Variants in NLRP11 observed in about 807,000 individuals in gnomAD.
The protein encoded by NLRP11 is NACHT, LRR and PYD domains-containing protein 11.
NLRP11 carries 53 observed loss-of-function variants against 79.3 expected under a neutral mutation model. The ratio of observed to expected loss-of-function variants is 0.67; its 90% CI spans 0.54 to 0.84. The LOEUF (loss-of-function observed/expected upper bound fraction) is 0.84, where lower values mean the gene tolerates loss of function less well. NLRP11 is among the 40% of genes least tolerant of loss of function. The probability of loss-of-function intolerance (pLI) is 0.00; values close to 1 mark genes in which losing one functional copy is unlikely to be tolerated. For synonymous variants in NLRP11, 518 were observed against 462.6 expected (o/e 1.12, Z -1.54); for missense variants, 1,264 against 1,255.0 (o/e 1.01, Z -0.11).
chr19:55,790,267 A>C (rs2616938), intron 7 of NLRP11, among the ~76,000 whole-genome samples: 1 of 151,886 alleles, frequency 6.6e-6, no homozygotes, highest in African/African-American at 2.4e-5. Context: ...GCCTTTCTCT[A>C]TAAGGGGCCA....
intron 4 of NLRP11, among the ~76,000 whole-genome samples, chr19:55,801,998 C>T (rs552112569): frequency 5.3e-5 from 8 of 152,140 alleles, no homozygotes; most frequent in Non-Finnish European, 7.4e-5. Flanking sequence ...ACCCACAAGC[C>T]GGATACTAAG....
At chr19:55,799,599 G>A (rs1026106275) in intron 5 of NLRP11, among the ~76,000 whole-genome samples, 1 of 152,288 alleles carries the variant, frequency 6.6e-6, no homozygotes, top group Non-Finnish European at 1.5e-5. Context: ...ACTACAAAGT[G>A]GCAACAGAGT....
In NLRP11 at chr19:55,812,395, C is replaced by T. The variant is rs997678599; in HGVS notation, c.272-2057G>A. On this transcript the variant is annotated intron_variant, in intron 2 of 9. Transcript: ENST00000589093. ...TGGCCTAACAAGCACAGAGGAAAAA[C>T]AATCACAAAACCAATCAGACCATCA... 3.9e-5 allele frequency among the ~76,000 whole-genome samples: 6 copies of T among 152,210 alleles called. No homozygotes were observed. The South Asian group carries it at 1.2e-3, about 32-fold the overall frequency.
chr19:55,827,482 T>C (rs1476580549), intron 1 of NLRP11, among the ~76,000 whole-genome samples: 1 of 150,576 alleles, frequency 6.6e-6, no homozygotes. Flanking sequence ...ACAGGCAACC[T>C]ACAAAATGGG....
chr19:55,812,357 A>G (rs1980686411), intron 2 of NLRP11, among the ~76,000 whole-genome samples: 1 of 152,214 alleles, frequency 6.6e-6, no homozygotes, highest in Non-Finnish European at 1.5e-5. Context: ...GCACCAGCAC[A>G]GATCAATAGA....
intron 9 of NLRP11, among the ~76,000 whole-genome samples, chr19:55,787,770 G>A (rs1321150162): frequency 6.6e-6 from 1 of 152,198 alleles, no homozygotes; most frequent in Non-Finnish European, 1.5e-5. Flanking sequence ...CTGTTTGAGA[G>A]TTGGAGAGCA....
In NLRP11 at chr19:55,810,459, T is replaced by C. The variant is rs1980499978; in HGVS notation, c.272-121A>G. 12 of 794,446 alleles carry C rather than the reference T, an allele frequency of 1.5e-5. No individual in the cohort carries two copies. In the South Asian group the frequency reaches 2.2e-4, roughly 15 times the overall value. 49.2% of individuals were successfully genotyped at this position (794,446 alleles called of 1,614,324 possible). A position where few individuals can be genotyped will look rare whatever the true frequency, so the allele number is the denominator to read the frequency against. ...TATAGTAGAAATTTTTACTTACTAC[T>C]GCTTATCACAAAGATATAGGTACAA... On this transcript the variant is annotated intron_variant, in intron 2 of 9. Transcript: ENST00000589093.
In NLRP11 at chr19:55,785,753, C is replaced by G. The variant is rs972671262; in HGVS notation, c.2974G>C (p.Gly992Arg). 1.9e-6 allele frequency: 3 copies of G among 1,613,994 alleles called. No individual in the cohort carries two copies. In the African/African-American group the frequency reaches 4.0e-5, roughly 22 times the overall value. ...CCTGGCTGAGAAGCAGGTGTCACAC[C>G]AATTTCTCTGCCTTCCTTTAAAGAC... is the stretch of plus-strand genomic sequence containing the variant. The change falls in exon 10 of 10, where the codon GGT (glycine) becomes CGT (arginine). Residue 992 changes from glycine to arginine, a missense_variant. Physicochemically the swap from Gly to Arg is moderately radical, Grantham distance 125. Transcript: ENST00000589093.
intron 6 of NLRP11, among the ~76,000 whole-genome samples, chr19:55,793,556 CAAAAAAAAAAAAAAAAAAA>C (rs59605427): frequency 1.1e-3 from 40 of 35,696 alleles, no homozygotes; most frequent in African/African-American, 4.4e-3. Context: ...TGACTGTCTC[CAAAAAAAAAAAAAAAAAAA>C]AAAAAAAAAA....
intron 3 of NLRP11, among the ~76,000 whole-genome samples, chr19:55,808,241 A>G (rs570079506): frequency 3.3e-5 from 5 of 152,248 alleles, no homozygotes; most frequent in Non-Finnish European, 7.3e-5. Flanking sequence ...CAGGGCCTTT[A>G]AATGCGAGAT....
intron 7 of NLRP11, among the ~76,000 whole-genome samples, chr19:55,790,970 A>G (rs1990201118): frequency 6.7e-6 from 1 of 150,034 alleles, no homozygotes; most frequent in African/African-American, 2.5e-5. Flanking sequence ...ACTTAAGACA[A>G]TTCTTGAAGG....
intron 5 of NLRP11, 22 bp from the exon 6 acceptor site, chr19:55,796,272 GAA>G (rs774379994): frequency 5.1e-6 from 8 of 1,570,260 alleles, no homozygotes; most frequent in South Asian, 2.3e-5. Context: ...ATTCAGAAAT[GAA>G]AAGAGGCTCC....
intron 1 of NLRP11, among the ~76,000 whole-genome samples, chr19:55,819,666 G>A (rs1981491772): frequency 6.6e-6 from 1 of 152,122 alleles, no homozygotes; most frequent in Non-Finnish European, 1.5e-5. Flanking sequence ...CTTTGGGGGC[G>A]AAAAAGAAAG....
chr19:55,787,024 T>C (rs1477156778), intron 9 of NLRP11, among the ~76,000 whole-genome samples: 1 of 152,134 alleles, frequency 6.6e-6, no homozygotes, highest in African/African-American at 2.4e-5. Context: ...TCTTTAAGAG[T>C]TCTGAGATAA....
intron 1 of NLRP11, among the ~76,000 whole-genome samples, chr19:55,831,002 G>A (rs1162881608): frequency 6.6e-6 from 1 of 151,832 alleles, no homozygotes; most frequent in Non-Finnish European, 1.5e-5. Context: ...GTTGGGCCCA[G>A]GAACCAGTAT....
intron 6 of NLRP11, among the ~76,000 whole-genome samples, chr19:55,794,206 G>A (rs1043941574): frequency 2.0e-5 from 3 of 151,868 alleles, no homozygotes; most frequent in Admixed American, 6.6e-5. Flanking sequence ...AAAAAACATC[G>A]AATGTGTACC....
intron 6 of NLRP11, among the ~76,000 whole-genome samples, chr19:55,792,849 G>C (rs1314172050): frequency 6.6e-6 from 1 of 152,154 alleles, no homozygotes; most frequent in African/African-American, 2.4e-5. Flanking sequence ...ATTTATAAGT[G>C]AATACAGGAA....
At chr19:55,802,407 T>A (rs944126452) in intron 4 of NLRP11, among the ~76,000 whole-genome samples, 1 of 152,180 alleles carries the variant, frequency 6.6e-6, no homozygotes, top group African/African-American at 2.4e-5. Context: ...AAATCGGAAA[T>A]GTAATTCTAT....
intron 1 of NLRP11, among the ~76,000 whole-genome samples, chr19:55,824,287 T>C (rs1231860553): frequency 1.4e-3 from 207 of 148,688 alleles, no homozygotes; most frequent in African/African-American, 4.7e-3. Context: ...AAGGAACAAC[T>C]GGTACCAGCC....
Sources: allele counts gnomAD v4.1 joint callset (sites outside exome capture counted in the v4.1 genomes callset), GRCh38; gene constraint gnomAD v4.1.1; transcripts MANE v1.5; gene names NCBI Gene and HGNC (gene_info 2026-07-23, HGNC 2026-07-21).